The following IL1RAPL2 variants were observed in gnomAD, a reference collection of about 807,000 sequenced individuals.
IL1RAPL2 encodes the protein X-linked interleukin-1 receptor accessory protein-like 2.
IL1RAPL2 carries 3 observed loss-of-function variants against 44.1 expected under a neutral mutation model. That is an observed-to-expected ratio of 0.07 (90% confidence interval 0.03 to 0.18). The LOEUF is 0.18. IL1RAPL2 is among the 10% of genes least tolerant of loss of function. The pLI, the probability that IL1RAPL2 is intolerant of heterozygous loss-of-function variation, is 1.00. For synonymous variants in IL1RAPL2, 181 were observed against 178.8 expected (o/e 1.01, Z -0.10); for missense variants, 391 against 496.4 (o/e 0.79, Z 2.02).
At chrX:104,705,763 G>A (rs1005013285) in intron 2 of IL1RAPL2, among the ~76,000 whole-genome samples, 1 of 111,373 alleles carries the variant, frequency 9.0e-6, no homozygotes, top group African/African-American at 3.3e-5. Flanking sequence ...GGTTGGTTAG[G>A]GAAAGTTCAA....
At chrX:105,708,895 A>G (rs180921187) in intron 6 of IL1RAPL2, among the ~76,000 whole-genome samples, 1 of 112,301 alleles carries the variant, frequency 8.9e-6, no homozygotes, top group Non-Finnish European at 1.9e-5. Flanking sequence ...CTAACACAAT[A>G]CAAAGAATCA....
At chrX:104,794,455 G>A (rs1431127807) in intron 2 of IL1RAPL2, among the ~76,000 whole-genome samples, 2 of 110,439 alleles carry the variant, frequency 1.8e-5, no homozygotes, top group Non-Finnish European at 3.8e-5. Context: ...GATAAGCAGT[G>A]CCCCTACATC....
At chrX:105,437,025 G>GTATA (rs71694806) in intron 5 of IL1RAPL2, among the ~76,000 whole-genome samples, 2,347 of 90,998 alleles carry the variant, frequency 0.026, 38 homozygotes, top group African/African-American at 0.045. Flanking sequence ...AAATATAAAC[G>GTATA]TATATATATA....
intron 2 of IL1RAPL2, among the ~76,000 whole-genome samples, chrX:105,078,048 C>G (rs1350124600): frequency 8.9e-6 from 1 of 112,072 alleles, no homozygotes; most frequent in East Asian, 2.8e-4. Context: ...TCGTCATTCT[C>G]CGTCCAGCTT....
At chrX:104,594,485 C>G (rs1363435513) in intron 1 of IL1RAPL2, among the ~76,000 whole-genome samples, 2 of 111,238 alleles carry the variant, frequency 1.8e-5, no homozygotes, top group African/African-American at 6.5e-5. Flanking sequence ...TGTTCAGACC[C>G]AACACACTAA....
At chrX:104,629,490 C>G (rs1878426325) in intron 1 of IL1RAPL2, among the ~76,000 whole-genome samples, 1 of 111,983 alleles carries the variant, frequency 8.9e-6, no homozygotes, top group Admixed American at 9.5e-5. Flanking sequence ...TGTCCTTTCA[C>G]TCTGTTTCTT....
chrX:105,564,560 T>C (rs1265175222), intron 6 of IL1RAPL2, among the ~76,000 whole-genome samples: 1 of 112,502 alleles, frequency 8.9e-6, no homozygotes, highest in Non-Finnish European at 1.9e-5. Flanking sequence ...CTGTCAGCCT[T>C]AATGAAATAA....
At position 105,711,883 on chromosome X, in the gene IL1RAPL2, G is replaced by A. The variant is rs148922306; in HGVS notation, c.773-5484G>A. Among the ~76,000 whole-genome samples the A allele has an allele frequency of 6.2e-5, 7 of 112,136 alleles. No homozygotes were observed. The East Asian group carries it at 2.0e-3, about 32-fold the overall frequency. Reference sequence around the variant, plus strand: ...AATACAACATTTAATCTTAAAACTGGAGAATAATTTGCTTTGCCTCCCTGT... The same window carrying A: ...AATACAACATTTAATCTTAAAACTGAAGAATAATTTGCTTTGCCTCCCTGT... On this transcript the variant is annotated intron_variant, in intron 6 of 10. Transcript: ENST00000372582.
intron 2 of IL1RAPL2, among the ~76,000 whole-genome samples, chrX:105,134,792 C>T (rs749677398): frequency 7.2e-5 from 8 of 111,307 alleles, no homozygotes; most frequent in Non-Finnish European, 1.3e-4. Flanking sequence ...CTTGTGTGTG[C>T]CTTATGTTTG....
chrX:105,754,350 GA>G (rs1349943698), intron 9 of IL1RAPL2, among the ~76,000 whole-genome samples: 3 of 111,225 alleles, frequency 2.7e-5, no homozygotes, highest in East Asian at 2.8e-4. Flanking sequence ...CATTTTGCAG[GA>G]AAAAAAATTG....
intron 5 of IL1RAPL2, among the ~76,000 whole-genome samples, chrX:105,300,207 G>A (rs763027193): frequency 2.4e-4 from 27 of 111,563 alleles, no homozygotes; most frequent in African/African-American, 8.5e-4. Flanking sequence ...GGAAAAATAC[G>A]TGAGACTAGA....
intron 2 of IL1RAPL2, among the ~76,000 whole-genome samples, chrX:104,718,351 G>A (rs978774692): frequency 1.8e-5 from 2 of 110,920 alleles, no homozygotes; most frequent in African/African-American, 6.5e-5. Flanking sequence ...TTCTCTGATG[G>A]CCAGTGATGA....
chrX:105,035,870 G>A (rs1418639531), intron 2 of IL1RAPL2, among the ~76,000 whole-genome samples: 1 of 112,195 alleles, frequency 8.9e-6, no homozygotes, highest in Non-Finnish European at 1.9e-5. Flanking sequence ...CTCCACTTAA[G>A]TTTGCTGAGC....
chrX:104,769,476 T>A lies in IL1RAPL2; in HGVS notation c.82+110481T>A, dbSNP rs747561757. 3.6e-5 allele frequency among the ~76,000 whole-genome samples: 4 copies of A among 112,477 alleles called. No individual in the cohort carries two copies. The East Asian group carries it at 1.1e-3, about 31-fold the overall frequency. On this transcript the variant is annotated intron_variant, in intron 2 of 10. Coordinates refer to ENST00000372582, the MANE Select transcript of IL1RAPL2 (RefSeq NM_017416.2). ...TACCTAACCTCTACAGAAAAGATCATACACATTTAATGAATGTAAAAGAAT... is the reference window on the plus strand; with the variant it reads ...TACCTAACCTCTACAGAAAAGATCAAACACATTTAATGAATGTAAAAGAAT...
intron 5 of IL1RAPL2, among the ~76,000 whole-genome samples, chrX:105,399,070 C>G (rs780895617): frequency 3.6e-5 from 4 of 111,559 alleles, no homozygotes; most frequent in Non-Finnish European, 7.6e-5. Flanking sequence ...AGTTCACATG[C>G]ATATTGAACA....
intron 6 of IL1RAPL2, among the ~76,000 whole-genome samples, chrX:105,665,752 T>TG (rs1569463239): frequency 3.0e-4 from 30 of 101,202 alleles, no homozygotes; most frequent in Admixed American, 1.1e-3. Context: ...GTTTTTTTTT[T>TG]TTTGTTGTTG....
intron 5 of IL1RAPL2, among the ~76,000 whole-genome samples, chrX:105,368,300 G>T (rs1251622894): frequency 9.0e-6 from 1 of 111,175 alleles, no homozygotes; most frequent in Non-Finnish European, 1.9e-5. Context: ...TCTGCTTTCT[G>T]CCATAAGTGG....
chrX:104,599,545 G>T (rs1928831684), intron 1 of IL1RAPL2, among the ~76,000 whole-genome samples: 1 of 109,511 alleles, frequency 9.1e-6, no homozygotes, highest in South Asian at 4.0e-4. Context: ...ACCATGCCTG[G>T]TTGATTTTTT....
At chrX:104,866,258 T>A (rs1326875713) in intron 2 of IL1RAPL2, among the ~76,000 whole-genome samples, 1 of 111,940 alleles carries the variant, frequency 8.9e-6, no homozygotes, top group East Asian at 2.8e-4. Context: ...TTCAGTAGGT[T>A]ACAACTAGCA....
Sources: gnomAD v4.1 joint callset for allele counts (sites outside exome capture counted in the v4.1 genomes callset) on GRCh38, gnomAD v4.1.1 for gene constraint, MANE v1.5 for transcripts, NCBI Gene and HGNC (gene_info 2026-07-23, HGNC 2026-07-21) for gene names.